The following STK32C variants were observed in gnomAD, a reference collection of about 807,000 sequenced individuals.
The protein encoded by STK32C is serine/threonine kinase 32C, also known as serine/threonine-protein kinase 32C.
Under a neutral mutation model 56.5 loss-of-function variants are expected in STK32C, and 31 were observed. That is an observed-to-expected ratio of 0.55 (90% CI 0.41 to 0.74). The LOEUF (loss-of-function observed/expected upper bound fraction) is 0.74, where lower values mean the gene tolerates loss of function less well. Among genes scored for constraint, STK32C ranks in the 30% least tolerant of loss-of-function variants. The pLI, the probability that STK32C is intolerant of heterozygous loss-of-function variation, is 0.00. For synonymous variants in STK32C, 309 were observed against 289.4 expected, an observed-to-expected ratio of 1.07 and a Z score of -0.69; for missense variants, 544 against 676.9, an observed-to-expected ratio of 0.80 and a Z score of 2.18.
chr10:132,230,691 G>GGGA (rs1554977878), intron 2 of STK32C, among the ~76,000 whole-genome samples: 1 of 137,920 alleles, frequency 7.3e-6, no homozygotes, highest in African/African-American at 2.8e-5. Flanking sequence ...GGGGGGGGGG[G>GGGA]GCTGCAGAGC....
chr10:132,310,705 A>G (rs571719753), upstream of STK32C, among the ~76,000 whole-genome samples: 1 of 152,358 alleles, frequency 6.6e-6, no homozygotes, highest in African/African-American at 2.4e-5. This position sits in a 1 kb window ranked among gnomAD's most constrained non-coding sequence, Gnocchi z 4.6. Flanking sequence ...CAGGAGACCA[A>G]GTGACAATGT....
chr10:132,258,009 C>T (rs566453172), intron 1 of STK32C, among the ~76,000 whole-genome samples: 2 of 152,340 alleles, frequency 1.3e-5, no homozygotes, highest in East Asian at 1.9e-4. Context: ...TCGGTCAGGA[C>T]GAAGGGCTCC....
intron 1 of STK32C, among the ~76,000 whole-genome samples, chr10:132,283,829 C>T (rs1215453778): frequency 6.6e-6 from 1 of 152,202 alleles, no homozygotes; most frequent in African/African-American, 2.4e-5. Flanking sequence ...CTCCACTTCT[C>T]CCCACGCTCT....
intron 1 of STK32C, among the ~76,000 whole-genome samples, chr10:132,252,318 G>C (rs561797581): frequency 9.8e-5 from 15 of 152,394 alleles, no homozygotes; most frequent in Non-Finnish European, 1.5e-4. Context: ...AAGCAGGAAA[G>C]GGGGAGGGGG....
chr10:132,278,265 C>T (rs373114055), intron 1 of STK32C, among the ~76,000 whole-genome samples: 1 of 152,082 alleles, frequency 6.6e-6, no homozygotes, highest in Non-Finnish European at 1.5e-5. Flanking sequence ...CATGCCATGC[C>T]CCGCACATGC....
intron 1 of STK32C, among the ~76,000 whole-genome samples, chr10:132,316,478 G>C (rs1041073246): frequency 2.6e-5 from 4 of 152,092 alleles, no homozygotes; most frequent in Non-Finnish European, 4.4e-5. Context: ...AATTAGCCAG[G>C]CATGGTGGCA....
chr10:132,305,992 T>C (rs1205750141), intron 1 of STK32C, among the ~76,000 whole-genome samples: 1 of 152,230 alleles, frequency 6.6e-6, no homozygotes, highest in African/African-American at 2.4e-5. Context: ...ATGCTGGGGA[T>C]GTGAAAGAAT....
intron 1 of STK32C, among the ~76,000 whole-genome samples, chr10:132,282,476 T>G (rs1793327762): frequency 9.4e-6 from 1 of 106,400 alleles, no homozygotes; most frequent in Non-Finnish European, 1.8e-5. Context: ...CACCTGTACC[T>G]GCGCCCACCT....
In STK32C at chr10:132,255,208, G is replaced by A. The variant is rs144593520; in HGVS notation, c.263-9253C>T. On this transcript the variant is annotated intron_variant, in intron 1 of 11. Transcript: ENST00000298630. The surrounding 1 kb of genome is among the most constrained non-coding windows in gnomAD (Gnocchi z 4.6). ...GAGGAAAATCATCCCCCAGGACTCC[G>A]AGACGCAGGCCCCGCAGAGCTTGTG... Among the ~76,000 whole-genome samples the A allele has an allele frequency of 9.8e-5, 15 of 152,304 alleles. No individual in the cohort carries two copies. The highest frequency in any genetic ancestry group is 7.7e-4 in the East Asian group (4 of 5,184).
At chr10:132,265,919 G>A (rs1036225686) in intron 1 of STK32C, among the ~76,000 whole-genome samples, 3 of 152,186 alleles carry the variant, frequency 2.0e-5, no homozygotes, top group African/African-American at 7.2e-5. Flanking sequence ...GCCGTGCACG[G>A]CCGCTTGGGA....
exon 1 of STK32C, chr10:132,331,791 G>A (rs1457611560): frequency 1.9e-6 from 3 of 1,604,978 alleles, no homozygotes; most frequent in Non-Finnish European, 1.7e-6. Context: ...AGACCCTCGC[G>A]GTCTCTACTT....
intron 2 of STK32C, among the ~76,000 whole-genome samples, chr10:132,240,518 A>G (rs1033610480): frequency 6.6e-6 from 1 of 152,066 alleles, no homozygotes; most frequent in Admixed American, 6.5e-5. Flanking sequence ...GACCTTCTTC[A>G]CCCACAAACA....
At position 132,208,133 on chromosome 10, in the gene STK32C, G is replaced by A. The variant is rs763798810; in HGVS notation, c.1338C>T (p.Asp446=). ...GGGCGGGGAGAGGCTCCCTCGGGAGGTCCTGGCTCCTCTTCAGCCTGGGGT... is the reference window on the plus strand; with the variant it reads ...GGGCGGGGAGAGGCTCCCTCGGGAGATCCTGGCTCCTCTTCAGCCTGGGGT... ...FNREKLKRSQ[D]LPREPLPAPE... The change falls in exon 12 of 12, where the codon GAC becomes GAT. Residue 446 remains aspartate (D), a synonymous_variant. Transcript: ENST00000298630. 3.8e-6 allele frequency: 5 copies of A among 1,310,502 alleles called. No individual in the cohort carries two copies. In the Admixed American group the frequency reaches 1.2e-4, roughly 32 times the overall value. 81.2% of individuals were successfully genotyped at this position (1,310,502 alleles called of 1,614,324 possible). A position where few individuals can be genotyped will look rare whatever the true frequency, so the allele number is the denominator to read the frequency against.
chr10:132,328,763 TG>T (rs1455386702), intron 1 of STK32C, among the ~76,000 whole-genome samples: 4 of 152,204 alleles, frequency 2.6e-5, no homozygotes, highest in Admixed American at 1.3e-4. Context: ...TTCACTTCCA[TG>T]AAAGGAATGT....
chr10:132,260,624 A>C (rs1381948353), intron 1 of STK32C, among the ~76,000 whole-genome samples: 3 of 152,166 alleles, frequency 2.0e-5, no homozygotes, highest in Non-Finnish European at 4.4e-5. Flanking sequence ...GCCCACCTGC[A>C]AGCAGGGGCC....
intron 2 of STK32C, among the ~76,000 whole-genome samples, chr10:132,239,901 C>T (rs1288977101): frequency 1.3e-5 from 2 of 152,234 alleles, no homozygotes; most frequent in Non-Finnish European, 2.9e-5. Context: ...GCATCACTCG[C>T]CATGGGAACA....
intron 10 of STK32C, among the ~76,000 whole-genome samples, chr10:132,218,764 T>A (rs989051512): frequency 3.3e-5 from 5 of 152,206 alleles, no homozygotes; most frequent in Non-Finnish European, 7.3e-5. Context: ...CACAGCAGCA[T>A]TATTCATGAT....
At chr10:132,223,130 A>C (rs2062743353) in intron 8 of STK32C, 144 bp from the exon 9 acceptor site, 1 of 1,158,740 alleles carries the variant, frequency 8.6e-7, no homozygotes, top group Non-Finnish European at 1.2e-6. Context: ...CACGCGAGGA[A>C]GGGTGGTGCC....
chr10:132,239,680 G>A (rs1001078962), intron 2 of STK32C, among the ~76,000 whole-genome samples: 1 of 152,222 alleles, frequency 6.6e-6, no homozygotes. Context: ...CCCCTGCCCC[G>A]GGAGCCCGGC....
Sources: allele counts gnomAD v4.1 joint callset (sites outside exome capture counted in the v4.1 genomes callset), GRCh38; gene constraint gnomAD v4.1.1; non-coding constraint Gnocchi (gnomAD v3.1); transcripts MANE v1.5; gene names NCBI Gene and HGNC (gene_info 2026-07-23, HGNC 2026-07-21).